The following XIRP2 variants were observed in gnomAD, a reference collection of about 807,000 sequenced individuals.
The protein encoded by XIRP2 is xin actin binding repeat containing 2.
Under a neutral mutation model 277.0 loss-of-function variants are expected in XIRP2, and 236 were observed. The observed-to-expected ratio is 0.85, with a 90% CI of 0.77 to 0.95. The LOEUF is 0.95. Ranked by LOEUF, XIRP2 falls within the 40% of genes least tolerant of loss-of-function variation. The probability of loss-of-function intolerance (pLI) is 0.00; values close to 1 mark genes in which losing one functional copy is unlikely to be tolerated. For synonymous variants in XIRP2, 1,490 were observed against 1,416.5 expected (o/e 1.05, Z -1.17); for missense variants, 4,640 against 4,157.5 (o/e 1.12, Z -3.19).
intron 2 of XIRP2, among the ~76,000 whole-genome samples, chr2:167,021,449 A>G (rs1303445806): frequency 6.6e-6 from 1 of 152,160 alleles, no homozygotes; most frequent in Non-Finnish European, 1.5e-5. Context: ...ATTTTTAGTA[A>G]TATTGAACTT....
chr2:167,018,109 T>C (rs1207871219), intron 2 of XIRP2, among the ~76,000 whole-genome samples: 1 of 151,994 alleles, frequency 6.6e-6, no homozygotes, highest in Non-Finnish European at 1.5e-5. Context: ...GTCATCTCTC[T>C]ACAAGAAGTT....
intron 2 of XIRP2, among the ~76,000 whole-genome samples, chr2:166,918,501 T>C (rs183935505): frequency 3.0e-4 from 45 of 152,246 alleles, no homozygotes; most frequent in Middle Eastern, 3.4e-3. Flanking sequence ...TATTCACTTA[T>C]GGTATTTGTT....
rs570876593 is a variant in XIRP2 at position 167,170,546 on chromosome 2, T to C, written c.562+34484T>C. On this transcript the variant is annotated intron_variant, in intron 3 of 10. Coordinates refer to ENST00000409195, the MANE Select transcript of XIRP2 (RefSeq NM_152381.6). Reference sequence around the variant, plus strand: ...GTTGCTTGTGATTAGTGGTATCTTTTCAAAGAATTGATTCACATCATCTGA... The same window carrying C: ...GTTGCTTGTGATTAGTGGTATCTTTCCAAAGAATTGATTCACATCATCTGA... Among the ~76,000 whole-genome samples, 7 of 152,258 alleles carry C rather than the reference T, an allele frequency of 4.6e-5. 1 individual carries two copies. The South Asian group carries it at 1.5e-3, about 32-fold the overall frequency.
chr2:167,173,317 C>A (rs1393840563), intron 3 of XIRP2, among the ~76,000 whole-genome samples: 1 of 152,126 alleles, frequency 6.6e-6, no homozygotes, highest in Admixed American at 6.6e-5. Flanking sequence ...ATCCTTTTAC[C>A]GTCTATGTCC....
intron 2 of XIRP2, among the ~76,000 whole-genome samples, chr2:167,006,502 G>A (rs1244125360): frequency 1.3e-5 from 2 of 151,766 alleles, no homozygotes; most frequent in African/African-American, 4.8e-5. Flanking sequence ...TTCTTCTCTG[G>A]AAATTGAATG....
chr2:167,145,029 C>G (rs2105326585), intron 3 of XIRP2, among the ~76,000 whole-genome samples: 1 of 152,250 alleles, frequency 6.6e-6, no homozygotes, highest in African/African-American at 2.4e-5. Context: ...TGTACTGCAT[C>G]AAAAGATAAC....
intron 2 of XIRP2, among the ~76,000 whole-genome samples, chr2:167,012,810 C>T (rs1324252268): frequency 6.6e-6 from 1 of 151,476 alleles, no homozygotes; most frequent in African/African-American, 2.4e-5. Context: ...ATCTAACTTC[C>T]CATAATCTAG....
rs371573679 is a variant in XIRP2 at position 167,248,580 on chromosome 2, T to G, written c.7188T>G (p.Tyr2396Ter). ...ACAGTGGAGACTTCATGCAACAATA[T>G]TCCCAAAAAGAAGCCTCGAACTCTC... ...EKHSGDFMQQ[Y>*]SQKEASNSQN... The change falls in exon 9 of 11, where the codon TAT (tyrosine) becomes TAG (stop). Residue 2396 changes from tyrosine (Y) to a stop codon, truncating the protein, a stop_gained. Coordinates refer to ENST00000409195, the MANE Select transcript of XIRP2 (RefSeq NM_152381.6). LOFTEE classifies it high-confidence loss of function. The G allele has an allele frequency of 1.2e-4, 198 of 1,613,608 alleles. No homozygotes were observed. The highest frequency in any genetic ancestry group is 1.6e-4 in the Non-Finnish European group (191 of 1,179,828).
chr2:166,933,849 T>C (rs1373583494), intron 2 of XIRP2, among the ~76,000 whole-genome samples: 1 of 152,210 alleles, frequency 6.6e-6, no homozygotes. Context: ...ATTTTTAATG[T>C]AGAAATCTAA....
chr2:166,910,001 G>C (rs914189312), intron 2 of XIRP2, among the ~76,000 whole-genome samples: 1 of 152,128 alleles, frequency 6.6e-6, no homozygotes, highest in African/African-American at 2.4e-5. Flanking sequence ...ATGTGCTGCT[G>C]GATTCGGTTT....
At chr2:167,006,718 T>TA (rs1337606145) in intron 2 of XIRP2, among the ~76,000 whole-genome samples, 1 of 151,652 alleles carries the variant, frequency 6.6e-6, no homozygotes, top group African/African-American at 2.4e-5. Context: ...AGTAGCGGAA[T>TA]AAAAAATCCT....
At chr2:167,229,208 A>G (rs567421478) in intron 5 of XIRP2, among the ~76,000 whole-genome samples, 3 of 152,258 alleles carry the variant, frequency 2.0e-5, no homozygotes, top group African/African-American at 4.8e-5. Flanking sequence ...ATCTAGGGAA[A>G]GTTGAAATAG....
chr2:167,045,219 A>T (rs920585515), intron 2 of XIRP2, among the ~76,000 whole-genome samples: 1 of 151,954 alleles, frequency 6.6e-6, no homozygotes, highest in Non-Finnish European at 1.5e-5. Context: ...TTGAAACTAG[A>T]CCTCCTCCTT....
At chr2:166,907,118 T>C (rs1004311906) in intron 2 of XIRP2, among the ~76,000 whole-genome samples, 5 of 152,162 alleles carry the variant, frequency 3.3e-5, no homozygotes, top group Non-Finnish European at 7.4e-5. Flanking sequence ...TTGTCATTTC[T>C]AAAACACCAT....
intron 2 of XIRP2, among the ~76,000 whole-genome samples, chr2:167,040,706 C>A (rs1384288501): frequency 6.6e-6 from 1 of 152,176 alleles, no homozygotes; most frequent in African/African-American, 2.4e-5. Flanking sequence ...CCAGGCTGAT[C>A]TTAGCACCCC....
At chr2:167,187,350 C>T in intron 3 of XIRP2, 11 of 985,352 alleles carry the variant, frequency 1.1e-5, no homozygotes, top group Non-Finnish European at 1.2e-5. Context: ...AAAATAAATT[C>T]AGCCGTCCCA....
intron 3 of XIRP2, among the ~76,000 whole-genome samples, chr2:167,162,567 A>G (rs1458065996): frequency 3.9e-5 from 6 of 152,156 alleles, no homozygotes; most frequent in African/African-American, 1.4e-4. Context: ...TGCCCACATG[A>G]TTCAATTATC....
At chr2:167,190,167 C>G (rs1158678377) in intron 3 of XIRP2, among the ~76,000 whole-genome samples, 1 of 152,196 alleles carries the variant, frequency 6.6e-6, no homozygotes, top group Non-Finnish European at 1.5e-5. Flanking sequence ...GTTCACCAGT[C>G]TGGCAGCTCA....
intron 2 of XIRP2, among the ~76,000 whole-genome samples, chr2:166,961,836 C>A (rs1219754180): frequency 6.6e-6 from 1 of 151,354 alleles, no homozygotes; most frequent in Non-Finnish European, 1.5e-5. Flanking sequence ...GATTTGTTAA[C>A]AAATGTAAAT....
Sources: allele counts gnomAD v4.1 joint callset (sites outside exome capture counted in the v4.1 genomes callset), GRCh38; gene constraint gnomAD v4.1.1; transcripts MANE v1.5; gene names NCBI Gene and HGNC (gene_info 2026-07-23, HGNC 2026-07-21).